Variants in SEC14L5 observed in about 807,000 individuals in gnomAD.
SEC14L5 encodes SEC14 like lipid binding 5.
A neutral mutation model predicts 84.6 loss-of-function variants in SEC14L5; 96 were observed. The ratio of observed to expected loss-of-function variants is 1.13; its 90% CI spans 0.96 to 1.34. SEC14L5 has a LOEUF of 1.34. Ranked by LOEUF, SEC14L5 falls within the 40% of genes most tolerant of loss-of-function variation. SEC14L5 has a pLI of 0.00. For missense variants in SEC14L5, 1,224 were observed against 942.5 expected, an observed-to-expected ratio of 1.30 and a Z score of -3.91; for synonymous variants, 546 against 383.4, an observed-to-expected ratio of 1.42 and a Z score of -4.95.
Position 5,005,896 on chromosome 16 carries a change from C to G in SEC14L5, c.1303-18C>G, listed in dbSNP as rs562904805. ...AAAAAAAAAAAACCATCCATCTTGC[C>G]TTATGTCCTGGTTTCAGATCAGCCC... On this transcript the variant is annotated intron_variant, in intron 11 of 15. Coordinates refer to ENST00000251170, the MANE Select transcript of SEC14L5 (RefSeq NM_014692.2). The G allele has an allele frequency of 2.7e-6, 4 of 1,477,112 alleles. No homozygotes were observed. The African/African-American group carries it at 5.8e-5, about 21-fold the overall frequency. 91.5% of individuals were successfully genotyped at this position (1,477,112 alleles called of 1,614,324 possible).
chr16:4,966,114 C>T (rs181811778), intron 2 of SEC14L5, among the ~76,000 whole-genome samples: 13 of 152,140 alleles, frequency 8.5e-5, no homozygotes, highest in East Asian at 3.8e-4. Context: ...ACTGAAGTTC[C>T]GCCACCATGC....
intron 14 of SEC14L5, 86 bp from the exon 15 acceptor site, chr16:5,011,009 G>C: frequency 7.6e-7 from 1 of 1,320,492 alleles, no homozygotes; most frequent in Non-Finnish European, 1.0e-6. Flanking sequence ...TTCCAGGCCT[G>C]GTGATGAGAA....
In SEC14L5 at chr16:4,987,674, C is replaced by T. The variant is rs761177418; in HGVS notation, c.181C>T (p.Leu61=). Residue 61 remains leucine (L), a synonymous_variant, in exon 3 of 16, where the codon CTG becomes TTG. Transcript: ENST00000251170. ...GCACGTGGTGGAGCGGAGCTGCCGG[C>T]TGCGCGTGGACGCCCCGCGGCTGCT... The part of the protein sequence containing the change: ...AVHVVERSCR[L]RVDAPRLLRK... The T allele has an allele frequency of 6.5e-7, 1 of 1,542,498 alleles. No homozygotes were observed. The highest frequency in any genetic ancestry group is 8.7e-7 in the Non-Finnish European group (1 of 1,146,978).
chr16:5,002,327 C>T (rs570338517), intron 10 of SEC14L5, among the ~76,000 whole-genome samples: 10 of 139,302 alleles, frequency 7.2e-5, no homozygotes, highest in Admixed American at 4.0e-4. Flanking sequence ...GACAGAGTCT[C>T]GTTCTGTCGC....
chr16:5,004,646 G>A (rs181594156), intron 11 of SEC14L5, among the ~76,000 whole-genome samples: 1 of 152,214 alleles, frequency 6.6e-6, no homozygotes, highest in African/African-American at 2.4e-5. Flanking sequence ...AGCACAGAGC[G>A]CAGTGGGGCT....
intron 2 of SEC14L5, among the ~76,000 whole-genome samples, chr16:4,971,162 A>G (rs1045797596): frequency 3.3e-5 from 5 of 152,232 alleles, no homozygotes; most frequent in Admixed American, 6.5e-5. Flanking sequence ...ACTTGTTAAA[A>G]ACAGGCAAAA....
At chr16:5,008,684 G>A (rs1955764551) in intron 14 of SEC14L5, 36 bp downstream of exon 14, 2 of 1,559,854 alleles carry the variant, frequency 1.3e-6, no homozygotes, top group East Asian at 4.5e-5. Context: ...CGCTCACCAA[G>A]CAGCACTGAG....
chr16:4,996,928 T>A lies in SEC14L5; in HGVS notation c.854T>A (p.Leu285Gln). The A allele has an allele frequency of 1.9e-6, 3 of 1,613,750 alleles. No homozygotes were observed. Among genetic ancestry groups the A allele is most frequent in the Non-Finnish European group, 2.5e-6 (3 of 1,179,770 alleles). ...CACCTGGACAAGGCCCGGGAAATGC[T>A]GCGCCAGTCCTTGAGCTGGCGCAAG... ...DFHLDKAREM[L>Q]RQSLSWRKQH... The change falls in exon 8 of 16, where the codon CTG becomes CAG. Residue 285 changes from leucine to glutamine, a missense_variant. Physicochemically the swap from Leu to Gln is moderately radical, Grantham distance 113. Coordinates refer to ENST00000251170, the MANE Select transcript of SEC14L5 (RefSeq NM_014692.2).
intron 14 of SEC14L5, among the ~76,000 whole-genome samples, chr16:5,010,676 A>C (rs1255858009): frequency 6.6e-6 from 1 of 152,054 alleles, no homozygotes. Context: ...TGTAAAAACA[A>C]ACACTTCCCT....
chr16:4,978,632 T>C (rs536328952), intron 2 of SEC14L5, among the ~76,000 whole-genome samples: 1 of 151,768 alleles, frequency 6.6e-6, no homozygotes, highest in African/African-American at 2.4e-5. Flanking sequence ...AGATGGAGTC[T>C]CGCTCTGTCA....
At chr16:4,978,782 T>G (rs1675376623) in intron 2 of SEC14L5, among the ~76,000 whole-genome samples, 1 of 152,190 alleles carries the variant, frequency 6.6e-6, no homozygotes, top group African/African-American at 2.4e-5. Flanking sequence ...TTTTGTATTT[T>G]TAGTAGAGAC....
intron 2 of SEC14L5, among the ~76,000 whole-genome samples, chr16:4,971,244 C>T (rs1171374545): frequency 6.6e-6 from 1 of 152,072 alleles, no homozygotes; most frequent in Non-Finnish European, 1.5e-5. Flanking sequence ...ATTGTTTGAG[C>T]CTAGGAGTTT....
intron 5 of SEC14L5, among the ~76,000 whole-genome samples, chr16:4,991,420 G>C (rs1403828212): frequency 6.6e-6 from 1 of 151,968 alleles, no homozygotes. Flanking sequence ...AATAAAATTA[G>C]GTGGGTGTGG....
chr16:4,959,408 G>T (rs377026681), intron 2 of SEC14L5, 22 bp downstream of exon 2: 1 of 1,610,740 alleles, frequency 6.2e-7, no homozygotes, highest in Non-Finnish European at 8.5e-7. Context: ...CTGATTCTTG[G>T]GCCCCCATGT....
chr16:4,964,852 TC>T (rs2142472392), intron 2 of SEC14L5, among the ~76,000 whole-genome samples: 1 of 152,158 alleles, frequency 6.6e-6, no homozygotes, highest in East Asian at 2.0e-4. Flanking sequence ...TGTCTCACCC[TC>T]CTGAGTAGCT....
chr16:4,997,396 G>A (rs951277184), intron 8 of SEC14L5, among the ~76,000 whole-genome samples: 3 of 152,138 alleles, frequency 2.0e-5, no homozygotes, highest in Admixed American at 1.3e-4. Flanking sequence ...CACCGCACCC[G>A]GCCCAAATGC....
At chr16:4,984,615 T>C (rs1327269888) in intron 2 of SEC14L5, among the ~76,000 whole-genome samples, 1 of 152,224 alleles carries the variant, frequency 6.6e-6, no homozygotes, top group East Asian at 1.9e-4. Context: ...TGCCACACTG[T>C]TTTCCAAAGG....
intron 8 of SEC14L5, among the ~76,000 whole-genome samples, chr16:4,999,153 G>C (rs903689809): frequency 6.6e-6 from 1 of 152,170 alleles, no homozygotes; most frequent in African/African-American, 2.4e-5. Context: ...GTGTAGTGCA[G>C]AATTGCGCCT....
chr16:4,987,549 G>GC lies in SEC14L5; in HGVS notation c.64-3dup. On this transcript the variant is annotated splice_polypyrimidine_tract_variant and splice_region_variant and intron_variant, in intron 2 of 15. Coordinates refer to ENST00000251170, the MANE Select transcript of SEC14L5 (RefSeq NM_014692.2). ...CACCACGGCCGCTCACTGCCGCTCT[G>GC]CCCCCAGGCCTACGAGAAGCGTTTC... 6.5e-7 allele frequency: 1 copy of GC among 1,544,470 alleles called. No individual in the cohort carries two copies. Among genetic ancestry groups the GC allele is most frequent in the Non-Finnish European group, 8.7e-7 (1 of 1,145,524 alleles).
Sources: gnomAD v4.1 joint callset for allele counts (sites outside exome capture counted in the v4.1 genomes callset) on GRCh38, gnomAD v4.1.1 for gene constraint, MANE v1.5 for transcripts, NCBI Gene and HGNC (gene_info 2026-07-23, HGNC 2026-07-21) for gene names.